Variants in LPIN1 observed in about 807,000 individuals in gnomAD.
LPIN1 encodes the protein phosphatidate phosphatase LPIN1.
LPIN1 carries 71 observed loss-of-function variants against 107.5 expected under a neutral mutation model. That is an observed-to-expected ratio of 0.66 (90% confidence interval 0.55 to 0.80). LPIN1 has a LOEUF of 0.80. LPIN1 is among the 30% of genes least tolerant of loss of function. The pLI, the probability that LPIN1 is intolerant of heterozygous loss-of-function variation, is 0.00. For missense variants in LPIN1, 1,043 were observed against 1,160.6 expected (o/e 0.90, Z 1.47); for synonymous variants, 445 against 452.6 (o/e 0.98, Z 0.21).
intron 1 of LPIN1, chr2:11,677,814 C>T (rs140799526): frequency 4.8e-5 from 58 of 1,196,558 alleles, no homozygotes; most frequent in Middle Eastern, 3.8e-4. Flanking sequence ...TGATGGGACC[C>T]GGGGAACATT....
At chr2:11,713,114 T>G (rs1663513656) in intron 1 of LPIN1, among the ~76,000 whole-genome samples, 1 of 152,228 alleles carries the variant, frequency 6.6e-6, no homozygotes, top group African/African-American at 2.4e-5. Context: ...CATCATTTTC[T>G]CATGCAGCCT....
At chr2:11,769,618 CT>C (rs1181444268) in intron 3 of LPIN1, among the ~76,000 whole-genome samples, 1 of 151,186 alleles carries the variant, frequency 6.6e-6, no homozygotes, top group African/African-American at 2.4e-5. Context: ...TTGTGTTTAC[CT>C]TTTTAATGTA....
Position 11,804,689 on chromosome 2 carries a change from G to A in LPIN1, c.2162+118G>A, listed in dbSNP as rs889677582. 2.1e-5 allele frequency: 22 copies of A among 1,056,572 alleles called. No individual in the cohort carries two copies. In the African/African-American group the frequency reaches 3.0e-4, roughly 14 times the overall value. The allele number at this position is 1,056,572 out of a possible 1,614,324, so 65.4% of individuals were successfully genotyped here. ...GGACTTGCACGGTTCGAATTCTGGTGCAGTTGGAGCTCCTTACGTAGTTTC... is the reference window on the plus strand; with the variant it reads ...GGACTTGCACGGTTCGAATTCTGGTACAGTTGGAGCTCCTTACGTAGTTTC... On this transcript the variant is annotated intron_variant, in intron 16 of 20. Coordinates refer to ENST00000674199, the MANE Select transcript of LPIN1 (RefSeq NM_001349206.2).
chr2:11,816,011 TATC>T, intron 18 of LPIN1: 1 of 152,346 alleles, frequency 6.6e-6, no homozygotes, highest in East Asian at 1.9e-4. Context: ...TGATTGTAAA[TATC>T]ATAAACTTGG....
At chr2:11,796,489 G>A (rs1676736323) in intron 14 of LPIN1, among the ~76,000 whole-genome samples, 1 of 152,184 alleles carries the variant, frequency 6.6e-6, no homozygotes, top group African/African-American at 2.4e-5. Flanking sequence ...GTTCTCTGTG[G>A]AGAAGAACAG....
At position 11,733,021 on chromosome 2, in the gene LPIN1, C is replaced by A. The variant is rs1232038248; in HGVS notation, c.-71-8328C>A. Reference sequence around the variant, plus strand: ...GGAAGGAAAGTCATGGGGGAAAAGACTGGATGGGGGGAATTGCTGGGGTCA... The same window carrying A: ...GGAAGGAAAGTCATGGGGGAAAAGAATGGATGGGGGGAATTGCTGGGGTCA... On this transcript the variant is annotated intron_variant, in intron 1 of 21. Transcript: ENST00000396097. 3.3e-5 allele frequency among the ~76,000 whole-genome samples: 5 copies of A among 151,954 alleles called. No homozygotes were observed. In the East Asian group the frequency reaches 9.7e-4, roughly 29 times the overall value.
chr2:11,804,417 T>A lies in LPIN1; in HGVS notation c.2014-6T>A. The A allele has an allele frequency of 6.2e-7, 1 of 1,614,204 alleles. No homozygotes were observed. Among genetic ancestry groups the A allele is most frequent in the African/African-American group, 1.3e-5 (1 of 75,044 alleles). Reference sequence around the variant, plus strand: ...CAGACAAATACTAATGGTTCATGTTTTTCAGAAAAGCTTGAAGTTGAAGAA... The same window carrying A: ...CAGACAAATACTAATGGTTCATGTTATTCAGAAAAGCTTGAAGTTGAAGAA... On this transcript the variant is annotated splice_region_variant and splice_polypyrimidine_tract_variant and intron_variant, in intron 15 of 20. Transcript: ENST00000674199.
At chr2:11,732,113 C>G (rs2148546995) in intron 1 of LPIN1, among the ~76,000 whole-genome samples, 1 of 152,256 alleles carries the variant, frequency 6.6e-6, no homozygotes, top group African/African-American at 2.4e-5. Context: ...GCTTTTGTTG[C>G]AATTGACAAG....
At chr2:11,812,696 G>A (rs138877982) in intron 17 of LPIN1, among the ~76,000 whole-genome samples, 36 of 152,332 alleles carry the variant, frequency 2.4e-4, no homozygotes, top group Admixed American at 2.0e-4. Flanking sequence ...TGGGGGCCAG[G>A]TCTTGTTGGT....
In LPIN1 at chr2:11,785,062, G is replaced by C; in HGVS notation, c.1535G>C (p.Arg512Pro). ...ISLCGGLSDH[R>P]EITKDAFLEQ... ...CTCTGCGGGGGCCTCAGCGACCACC[G>C]GGAGATCACGAAAGGTACCGCGGGC... Residue 512 changes from arginine to proline, a missense_variant, in exon 10 of 21, where the codon CGG (arginine) becomes CCG (proline). By Grantham distance (103) the Arg-to-Pro change is moderately radical. Coordinates refer to ENST00000674199, the MANE Select transcript of LPIN1 (RefSeq NM_001349206.2). 1.9e-6 allele frequency: 3 copies of C among 1,584,240 alleles called. No individual in the cohort carries two copies. The highest frequency in any genetic ancestry group is 1.1e-5 in the South Asian group (1 of 88,826).
In LPIN1 at chr2:11,787,123, C is replaced by T. The variant is rs759262001; in HGVS notation, c.1599C>T (p.Pro533=). 1.2e-5 allele frequency: 19 copies of T among 1,613,998 alleles called. No individual in the cohort carries two copies. In the Admixed American group the frequency reaches 1.5e-4, roughly 13 times the overall value. ...CATATCAACAGTTTGTGGACAACCC[C>T]GCTATTATCGATGACCCCAATCTCG... ...AVSYQQFVDN[P]AIIDDPNLVV... The change falls in exon 11 of 21, where the codon CCC becomes CCT. Residue 533 remains proline, a synonymous_variant. Coordinates refer to ENST00000674199, the MANE Select transcript of LPIN1 (RefSeq NM_001349206.2).
At chr2:11,695,541 GA>G (rs564303776) in intron 1 of LPIN1, among the ~76,000 whole-genome samples, 33 of 152,320 alleles carry the variant, frequency 2.2e-4, no homozygotes, top group African/African-American at 7.9e-4. Flanking sequence ...GTCAGGGTAT[GA>G]GGGGGAGGGG....
intron 1 of LPIN1, among the ~76,000 whole-genome samples, chr2:11,739,606 CA>C (rs1171376151): frequency 6.6e-6 from 1 of 152,176 alleles, no homozygotes; most frequent in African/African-American, 2.4e-5. Context: ...TCAAAAAGAT[CA>C]AACTAATCGT....
At chr2:11,689,905 AAAAAG>A (rs917403861) in intron 1 of LPIN1, among the ~76,000 whole-genome samples, 1 of 152,194 alleles carries the variant, frequency 6.6e-6, no homozygotes, top group Non-Finnish European at 1.5e-5. Flanking sequence ...ACTCTGTCTC[AAAAAG>A]AAAAGAAAAG....
chr2:11,807,223 G>A (rs753794031), intron 17 of LPIN1, among the ~76,000 whole-genome samples: 7 of 152,306 alleles, frequency 4.6e-5, no homozygotes, highest in South Asian at 2.1e-4. Context: ...CAATATTGCC[G>A]AATTGCCCTC....
intron 1 of LPIN1, among the ~76,000 whole-genome samples, chr2:11,752,641 C>T (rs1172660270): frequency 1.3e-5 from 2 of 151,280 alleles, no homozygotes; most frequent in Non-Finnish European, 2.9e-5. Flanking sequence ...CCGTTTTAGC[C>T]GGGATGGTCT....
intron 2 of LPIN1, among the ~76,000 whole-genome samples, chr2:11,714,709 A>G (rs1401702551): frequency 6.6e-6 from 1 of 152,188 alleles, no homozygotes; most frequent in Non-Finnish European, 1.5e-5. Context: ...GGAATGATCC[A>G]GGGTAGAAGT....
chr2:11,740,491 A>G (rs11894751), intron 1 of LPIN1, among the ~76,000 whole-genome samples: 39,947 of 151,830 alleles, frequency 0.26, 8,092 homozygotes, highest in African/African-American at 0.57. Flanking sequence ...GACAAGCCTA[A>G]GCAACATGGC....
At chr2:11,761,444 G>T (rs747516483) in intron 1 of LPIN1, among the ~76,000 whole-genome samples, 1 of 152,176 alleles carries the variant, frequency 6.6e-6, no homozygotes, top group Non-Finnish European at 1.5e-5. Flanking sequence ...GAAAAGGAAG[G>T]CAGATGTGTG....
Sources: gnomAD v4.1 joint callset for allele counts (sites outside exome capture counted in the v4.1 genomes callset) on GRCh38, gnomAD v4.1.1 for gene constraint, MANE v1.5 for transcripts, NCBI Gene and HGNC (gene_info 2026-07-23, HGNC 2026-07-21) for gene names.